Variants in RAPGEF4 observed in about 807,000 individuals in gnomAD.
RAPGEF4 encodes RAP guanine-nucleotide-exchange factor (GEF) 4.
RAPGEF4 carries 66 observed loss-of-function variants against 147.9 expected under a neutral mutation model. The ratio of observed to expected loss-of-function variants is 0.45; its 90% CI spans 0.37 to 0.55. RAPGEF4 has a LOEUF of 0.55. RAPGEF4 is among the 20% of genes least tolerant of loss of function. The pLI, the probability that RAPGEF4 is intolerant of heterozygous loss-of-function variation, is 0.00. For synonymous variants in RAPGEF4, 419 were observed against 442.7 expected (o/e 0.95, Z 0.67); for missense variants, 1,071 against 1,257.3 (o/e 0.85, Z 2.24).
intron 4 of RAPGEF4, among the ~76,000 whole-genome samples, chr2:172,853,197 A>T (rs935934758): frequency 6.6e-6 from 1 of 152,048 alleles, no homozygotes; most frequent in Admixed American, 6.5e-5. Flanking sequence ...TTTCTGAAGA[A>T]GTCATGTAGG....
intron 6 of RAPGEF4, among the ~76,000 whole-genome samples, chr2:172,958,033 T>C (rs910137680): frequency 1.3e-5 from 2 of 152,220 alleles, no homozygotes; most frequent in African/African-American, 4.8e-5. Context: ...AATCTTCAAA[T>C]AATGTTTCAT....
At chr2:173,031,769 A>G (rs1697215015) in intron 26 of RAPGEF4, among the ~76,000 whole-genome samples, 1 of 152,226 alleles carries the variant, frequency 6.6e-6, no homozygotes, top group African/African-American at 2.4e-5. Flanking sequence ...TTCTGTTTTC[A>G]GCACTGAATG....
intron 29 of RAPGEF4, among the ~76,000 whole-genome samples, chr2:173,047,819 G>A (rs1226343958): frequency 1.3e-5 from 2 of 152,090 alleles, no homozygotes; most frequent in South Asian, 2.1e-4. Flanking sequence ...TGGGACTACA[G>A]GCGCCTGCCA....
At chr2:172,766,441 A>G (rs1276397999) in intron 1 of RAPGEF4, among the ~76,000 whole-genome samples, 2 of 151,906 alleles carry the variant, frequency 1.3e-5, no homozygotes, top group Non-Finnish European at 2.9e-5. Context: ...AGTCCCAGCT[A>G]CTCGGGAGGC....
chr2:172,775,179 A>G (rs1195014181), intron 1 of RAPGEF4, among the ~76,000 whole-genome samples: 1 of 152,202 alleles, frequency 6.6e-6, no homozygotes, highest in East Asian at 1.9e-4. Context: ...ATACATGACT[A>G]TAACAAGACT....
rs1693889106 is a variant in RAPGEF4 at position 173,001,254 on chromosome 2, T to TC, written c.1580-12_1580-11insC. ...GAACCTAATTTCCTTTTCTGTTTTT[T>TC]TCCCCTTCCAGATTCTGTTTTAAAT... On this transcript the variant is annotated splice_polypyrimidine_tract_variant and intron_variant, in intron 16 of 30. Coordinates refer to ENST00000397081, the MANE Select transcript of RAPGEF4 (RefSeq NM_007023.4). 2 of 1,613,448 alleles carry TC rather than the reference T, an allele frequency of 1.2e-6. No individual in the cohort carries two copies. The highest frequency in any genetic ancestry group is 1.7e-6 in the Non-Finnish European group (2 of 1,179,852).
intron 6 of RAPGEF4, among the ~76,000 whole-genome samples, chr2:172,960,225 A>G (rs1051856870): frequency 1.3e-5 from 2 of 152,224 alleles, no homozygotes; most frequent in Non-Finnish European, 2.9e-5. Context: ...TAACTGCCTC[A>G]GTGGGCTCTA....
At chr2:172,797,439 A>G (rs1686486854) in intron 2 of RAPGEF4, 86 bp from the exon 3 acceptor site, 1 of 1,034,814 alleles carries the variant, frequency 9.7e-7, no homozygotes, top group African/African-American at 1.6e-5. Context: ...GGTCCAAGAC[A>G]TGCTTGGACC....
chr2:172,768,840 A>G (rs895241226), intron 1 of RAPGEF4, among the ~76,000 whole-genome samples: 2 of 152,236 alleles, frequency 1.3e-5, no homozygotes, highest in African/African-American at 4.8e-5. Flanking sequence ...AAACTCAAGA[A>G]TGCAAAATCT....
chr2:172,822,751 A>C (rs548766986), intron 4 of RAPGEF4, among the ~76,000 whole-genome samples: 33 of 152,320 alleles, frequency 2.2e-4, no homozygotes, highest in African/African-American at 7.2e-4. Flanking sequence ...TTGGCCGTGC[A>C]CTAGCCAGGA....
At chr2:172,901,182 G>C (rs750731129) in intron 4 of RAPGEF4, among the ~76,000 whole-genome samples, 9 of 152,116 alleles carry the variant, frequency 5.9e-5, no homozygotes, top group Non-Finnish European at 1.0e-4. Flanking sequence ...GGCCACACAT[G>C]GGTTTTTTAA....
At position 172,794,388 on chromosome 2, in the gene RAPGEF4, A is replaced by G. The variant is rs528718779; in HGVS notation, c.66-637A>G. The stretch of plus-strand genomic sequence containing the variant: ...AAAGAAAAAAGAAAAAAGCAGACAA[A>G]TGTCCACACACCTAGATTTACCTTG... On this transcript the variant is annotated intron_variant, in intron 1 of 30. Coordinates refer to ENST00000397081, the MANE Select transcript of RAPGEF4 (RefSeq NM_007023.4). Among the ~76,000 whole-genome samples the G allele has an allele frequency of 3.9e-5, 6 of 152,050 alleles. No individual in the cohort carries two copies. The South Asian group carries it at 1.2e-3, about 32-fold the overall frequency.
At chr2:172,777,344 C>T (rs1207097696) in intron 1 of RAPGEF4, among the ~76,000 whole-genome samples, 1 of 151,738 alleles carries the variant, frequency 6.6e-6, no homozygotes, top group Non-Finnish European at 1.5e-5. Context: ...GTTCTCGGTA[C>T]TGGAGATACA....
In RAPGEF4 at chr2:172,735,878, C is replaced by T. The variant is rs1693693009; in HGVS notation, c.-106C>T. The T allele has an allele frequency of 2.0e-6, 2 of 1,010,798 alleles. No individual in the cohort carries two copies. The highest frequency in any genetic ancestry group is 4.6e-5 in the Admixed American group (1 of 21,686). The allele number at this position is 1,010,798 out of a possible 1,614,324, so 62.6% of individuals were successfully genotyped here. The stretch of plus-strand genomic sequence containing the variant: ...CGCAGCCGCGCTGGTCGCCAGGCGT[C>T]CGGGAGGAGCGGGGTCCGCGCGGCG... On this transcript the variant is annotated 5_prime_UTR_variant, in exon 1 of 31. Transcript: ENST00000397081.
At chr2:172,856,283 G>T (rs1693406249) in intron 4 of RAPGEF4, among the ~76,000 whole-genome samples, 1 of 151,972 alleles carries the variant, frequency 6.6e-6, no homozygotes, top group Non-Finnish European at 1.5e-5. Flanking sequence ...GTGTTTTTTA[G>T]TTCTAGAATT....
At chr2:172,996,400 A>G in intron 15 of RAPGEF4, 66 bp from the exon 16 acceptor site, 1 of 926,146 alleles carries the variant, frequency 1.1e-6, no homozygotes, top group Non-Finnish European at 1.6e-6. Context: ...AACTTAGATA[A>G]GTAAAAGTTT....
intron 1 of RAPGEF4, among the ~76,000 whole-genome samples, chr2:172,789,816 A>G (rs775172814): frequency 1.3e-5 from 2 of 151,924 alleles, no homozygotes; most frequent in Non-Finnish European, 2.9e-5. Flanking sequence ...GGTAAATAAT[A>G]CTCCATTGTG....
Position 172,990,863 on chromosome 2 carries a change from G to A in RAPGEF4, c.1428G>A (p.Val476=). ...RLKEHDQDVL[V]LEKVPAGNRA... is the part of the protein sequence containing the mutation. The stretch of plus-strand genomic sequence containing the variant: ...AAGAACATGACCAAGATGTCTTGGT[G>A]CTGGAGAAGGTCCCAGCAGGGAACA... Residue 476 remains valine (V), a synonymous_variant, in exon 15 of 31, where the codon GTG becomes GTA. Transcript: ENST00000397081. 1 of 1,614,088 alleles carries A rather than the reference G, an allele frequency of 6.2e-7. No homozygotes were observed. The highest frequency in any genetic ancestry group is 8.5e-7 in the Non-Finnish European group (1 of 1,179,976).
At chr2:172,807,369 G>A (rs938425736) in intron 3 of RAPGEF4, among the ~76,000 whole-genome samples, 19 of 152,216 alleles carry the variant, frequency 1.2e-4, no homozygotes, top group African/African-American at 4.3e-4. Context: ...GCCTGATCTT[G>A]TTAAGCTTTA....
Sources: allele counts gnomAD v4.1 joint callset (sites outside exome capture counted in the v4.1 genomes callset), GRCh38; gene constraint gnomAD v4.1.1; transcripts MANE v1.5; gene names NCBI Gene and HGNC (gene_info 2026-07-23, HGNC 2026-07-21).